The following ZBTB39 variants were observed in gnomAD, a reference collection of about 807,000 sequenced individuals.
The protein encoded by ZBTB39 is zinc finger and BTB domain-containing protein 39.
In ZBTB39, 25 loss-of-function variants were observed where a neutral mutation model predicts 39.4. The observed-to-expected ratio is 0.63, with a 90% CI of 0.46 to 0.89. The LOEUF (loss-of-function observed/expected upper bound fraction) is 0.89. Among genes scored for constraint, ZBTB39 ranks in the 40% least tolerant of loss-of-function variants. The pLI, the probability that ZBTB39 is intolerant of heterozygous loss-of-function variation, is 0.00. For missense variants in ZBTB39, 891 were observed against 909.7 expected, an observed-to-expected ratio of 0.98 and a Z score of 0.26; for synonymous variants, 373 against 359.6, an observed-to-expected ratio of 1.04 and a Z score of -0.42.
rs1200150424 is a variant in ZBTB39 at position 56,999,984 on chromosome 12, C to G, written c.*2795G>C. ...AAACTAGGTTCCAGGAGAGAGGGAGCAACAAAATCAAATGAACAGAAAGTC... is the reference window on the plus strand; with the variant it reads ...AAACTAGGTTCCAGGAGAGAGGGAGGAACAAAATCAAATGAACAGAAAGTC... On this transcript the variant is annotated 3_prime_UTR_variant, in exon 2 of 2. Transcript: ENST00000300101. The G allele has an allele frequency of 2.0e-5, 3 of 152,086 alleles. No individual in the cohort carries two copies. The highest frequency in any genetic ancestry group is 4.4e-5 in the Non-Finnish European group (3 of 68,040). 9.4% of individuals were successfully genotyped at this position (152,086 alleles called of 1,614,324 possible). A position where few individuals can be genotyped will look rare whatever the true frequency, so the allele number is the denominator to read the frequency against.
chr12:57,003,264 C>G lies in ZBTB39; in HGVS notation c.1654G>C (p.Ala552Pro). 6.2e-7 allele frequency: 1 copy of G among 1,614,184 alleles called. No individual in the cohort carries two copies. The highest frequency in any genetic ancestry group is 8.5e-7 in the Non-Finnish European group (1 of 1,180,012). ...TGCTGGCTGACGTGGTAGCGATAGG[C>G]AGCCTCTGACTTGAAGCTCTGGCTG... The part of the protein sequence containing the change: ...LCSQSFKSEA[A>P]YRYHVSQHKC... Residue 552 changes from alanine (A) to proline (P), a missense_variant, in exon 2 of 2, where the codon GCC (alanine) becomes CCC (proline). Transcript: ENST00000300101. This position sits in a 1 kb window ranked among gnomAD's most constrained non-coding sequence, Gnocchi z 4.8.
At chr12:57,004,997 C>T (rs1376844786) in intron 1 of ZBTB39, 36 bp from the exon 2 acceptor site, 3 of 1,422,260 alleles carry the variant, frequency 2.1e-6, no homozygotes, top group South Asian at 1.4e-5. Flanking sequence ...GATGGCCAAA[C>T]ACATCCGTGC....
In ZBTB39 at chr12:57,004,665, T is replaced by G; in HGVS notation, c.253A>C (p.Ser85Arg). 6.2e-7 allele frequency: 1 copy of G among 1,614,146 alleles called. No homozygotes were observed. The highest frequency in any genetic ancestry group is 8.5e-7 in the Non-Finnish European group (1 of 1,180,028). Reference sequence around the variant, plus strand: ...AAGAGTTCTGAAGTGTAGACAAAGCTCAGAACCTTCTCAAAGTTGGCAGGG... The same window carrying G: ...AAGAGTTCTGAAGTGTAGACAAAGCGCAGAACCTTCTCAAAGTTGGCAGGG... The part of the protein sequence containing the change: ...ITPANFEKVL[S>R]FVYTSELFTD... Residue 85 changes from serine (S) to arginine (R), a missense_variant, in exon 2 of 2, where the codon AGC (serine) becomes CGC (arginine). Ser to Arg is a moderately radical substitution (Grantham distance 110). Coordinates refer to ENST00000300101, the MANE Select transcript of ZBTB39 (RefSeq NM_014830.3).
In ZBTB39 at chr12:57,003,989, G is replaced by C. The variant is rs150853484; in HGVS notation, c.929C>G (p.Ala310Gly). The C allele has an allele frequency of 6.2e-7, 1 of 1,614,210 alleles. No individual in the cohort carries two copies. The highest frequency in any genetic ancestry group is 8.5e-7 in the Non-Finnish European group (1 of 1,180,046). The change falls in exon 2 of 2, where the codon GCT becomes GGT. Residue 310 changes from alanine (A) to glycine (G), a missense_variant. Ala to Gly is a moderately conservative substitution (Grantham distance 60). Coordinates refer to ENST00000300101, the MANE Select transcript of ZBTB39 (RefSeq NM_014830.3). The surrounding 1 kb of genome is among the most constrained non-coding windows in gnomAD (Gnocchi z 4.8). ...CTCCTCAGTTGTGCCTATATCCTCAGCAGGGTCTTCAAACTGCAAGTCATC... is the reference window on the plus strand; with the variant it reads ...CTCCTCAGTTGTGCCTATATCCTCACCAGGGTCTTCAAACTGCAAGTCATC... ...GDDDLQFEDP[A>G]EDIGTTEEVI...
At position 57,002,826 on chromosome 12, in the gene ZBTB39, T is replaced by C. The variant is rs1211874807; in HGVS notation, c.2092A>G (p.Met698Val). The change falls in exon 2 of 2, where the codon ATG becomes GTG. Residue 698 changes from methionine to valine, a missense_variant. Transcript: ENST00000300101. ...PPDFTIEQTF[M>V]YIIHSKEADK... The stretch of plus-strand genomic sequence containing the variant: ...GCCTCTTTGGAATGGATGATGTACA[T>C]GAAGGTCTGCTCGATGGTGAAGTCA... The C allele has an allele frequency of 6.2e-7, 1 of 1,614,098 alleles. No homozygotes were observed. The highest frequency in any genetic ancestry group is 1.3e-5 in the African/African-American group (1 of 74,918).
rs371772844 is a variant in ZBTB39, at chr12:57,004,428, C to A, written c.490G>T (p.Asp164Tyr). ...HPLGELRGGG[D>Y]YLGADRNYVL... ...TAGTTTCTATCAGCACCAAGGTAGT[C>A]CCCACCACCTCGGAGTTCTCCAAGG... The change falls in exon 2 of 2, where the codon GAC becomes TAC. Residue 164 changes from aspartate to tyrosine, a missense_variant. Coordinates refer to ENST00000300101, the MANE Select transcript of ZBTB39 (RefSeq NM_014830.3). 2.7e-5 allele frequency: 43 copies of A among 1,614,070 alleles called. No homozygotes were observed. The highest frequency in any genetic ancestry group is 3.6e-5 in the Non-Finnish European group (43 of 1,180,050).
Position 57,002,699 on chromosome 12 carries a change from C to G in ZBTB39, c.*80G>C, listed in dbSNP as rs1956216387. ...TACCAAGGCAAAATTATAACTTCAG[C>G]TGGGGAGGGACCAACACCTCTTAGA... On this transcript the variant is annotated 3_prime_UTR_variant, in exon 2 of 2. Transcript: ENST00000300101. The G allele has an allele frequency of 7.3e-7, 1 of 1,377,630 alleles. No individual in the cohort carries two copies. 85.3% of individuals were successfully genotyped at this position (1,377,630 alleles called of 1,614,324 possible). A position where few individuals can be genotyped will look rare whatever the true frequency, so the allele number is the denominator to read the frequency against.
intron 1 of ZBTB39, 103 bp from the exon 2 acceptor site, chr12:57,005,064 G>A (rs371078146): frequency 1.6e-5 from 13 of 816,200 alleles, no homozygotes; most frequent in Non-Finnish European, 2.4e-5. Flanking sequence ...CAAGCCCCAG[G>A]TAGGGATCAG....
In ZBTB39 at chr12:57,001,978, C is replaced by G. The variant is rs1333492621; in HGVS notation, c.*801G>C. The G allele has an allele frequency of 6.6e-6, 1 of 152,628 alleles. No individual in the cohort carries two copies. Among genetic ancestry groups the G allele is most frequent in the East Asian group, 1.9e-4 (1 of 5,200 alleles). 9.5% of individuals were successfully genotyped at this position (152,628 alleles called of 1,614,324 possible). A position where few individuals can be genotyped will look rare whatever the true frequency, so the allele number is the denominator to read the frequency against. The stretch of plus-strand genomic sequence containing the variant: ...CTATATCAAAGTGGTTCCCTATCCT[C>G]TCTGCCCCACAGAAGGCCGGACGTC... On this transcript the variant is annotated 3_prime_UTR_variant, in exon 2 of 2. Coordinates refer to ENST00000300101, the MANE Select transcript of ZBTB39 (RefSeq NM_014830.3).
rs1442172928 is a variant in ZBTB39, at chr12:57,004,273, AG to A, written c.644del (p.Pro215LeufsTer10). ...PPPKTEDHDT[P>X]APFTSIPSMM... ...TGCTAGGAATGGACGTGAAGGGAGCAGGGGTGTCATGGTCTTCTGTCTTTGG... is the reference window on the plus strand; with the variant it reads ...TGCTAGGAATGGACGTGAAGGGAGCAGGGTGTCATGGTCTTCTGTCTTTGG... On this transcript the variant is annotated frameshift_variant, in exon 2 of 2. Transcript: ENST00000300101. LOFTEE classifies it high-confidence loss of function. The A allele has an allele frequency of 6.2e-7, 1 of 1,614,066 alleles. No homozygotes were observed. Among genetic ancestry groups the A allele is most frequent in the African/African-American group, 1.3e-5 (1 of 74,930 alleles).
chr12:57,004,701 C>T lies in ZBTB39; in HGVS notation c.217G>A (p.Asp73Asn). Residue 73 changes from aspartate (D) to asparagine (N), a missense_variant, in exon 2 of 2, where the codon GAC (aspartate) becomes AAC (asparagine). By Grantham distance (23) the Asp-to-Asn change is conservative. Coordinates refer to ENST00000300101, the MANE Select transcript of ZBTB39 (RefSeq NM_014830.3). ...TCAAAGTTGGCAGGGGTGATGAAGTCCACCACATAGGTCCTGGCAGCATCA... is the reference window on the plus strand; with the variant it reads ...TCAAAGTTGGCAGGGGTGATGAAGTTCACCACATAGGTCCTGGCAGCATCA... ...GLDAARTYVV[D>N]FITPANFEKV... is the part of the protein sequence containing the mutation. 1 of 1,614,180 alleles carries T rather than the reference C, an allele frequency of 6.2e-7. No homozygotes were observed. The highest frequency in any genetic ancestry group is 8.5e-7 in the Non-Finnish European group (1 of 1,180,024).
Position 57,001,431 on chromosome 12 carries a change from C to A in ZBTB39, c.*1348G>T, listed in dbSNP as rs1453304438. ...CCTGAGCAGGGTGAGGTAGTATGAG[C>A]TACTGAGGTGGCACCTCACAAGTAT... is the stretch of plus-strand genomic sequence containing the variant. On this transcript the variant is annotated 3_prime_UTR_variant, in exon 2 of 2. Transcript: ENST00000300101. 5.2e-5 allele frequency: 8 copies of A among 152,786 alleles called. No homozygotes were observed. The highest frequency in any genetic ancestry group is 5.2e-4 in the Admixed American group (8 of 15,306). The allele number at this position is 152,786 out of a possible 1,614,324, so 9.5% of individuals were successfully genotyped here.
intron 1 of ZBTB39, among the ~76,000 whole-genome samples, chr12:57,006,142 C>T (rs573466897): frequency 3.3e-5 from 5 of 152,030 alleles, no homozygotes; most frequent in Non-Finnish European, 5.9e-5. Flanking sequence ...GCTGCATCGG[C>T]TGGGGCGCTC....
At position 57,003,212 on chromosome 12, in the gene ZBTB39, C is replaced by T. The variant is rs148560558; in HGVS notation, c.1706G>A (p.Arg569Gln). The T allele has an allele frequency of 1.2e-4, 187 of 1,614,128 alleles. 5 individuals are homozygous for T. The Admixed American group carries it at 1.3e-3, about 12-fold the overall frequency. ...QHKCNSGLDA[R>Q]PGFGLQHPAL... ...TGGGTGCTGCAGCCCAAAACCAGGC[C>T]GTGCATCAAGGCCACTGTTGCATTT... Residue 569 changes from arginine (R) to glutamine (Q), a missense_variant, in exon 2 of 2, where the codon CGG becomes CAG. By Grantham distance (43) the Arg-to-Gln change is conservative (BLOSUM62 1). Coordinates refer to ENST00000300101, the MANE Select transcript of ZBTB39 (RefSeq NM_014830.3). The surrounding 1 kb of genome is among the most constrained non-coding windows in gnomAD (Gnocchi z 4.8).
chr12:57,004,413 C>T lies in ZBTB39; in HGVS notation c.505G>A (p.Asp169Asn). 1 of 1,614,190 alleles carries T rather than the reference C, an allele frequency of 6.2e-7. No individual in the cohort carries two copies. Among genetic ancestry groups the T allele is most frequent in the Non-Finnish European group, 8.5e-7 (1 of 1,180,040 alleles). Reference protein sequence around the residue: ...LRGGGDYLGADRNYVLPSDAG... With the variant: ...LRGGGDYLGANRNYVLPSDAG... Reference sequence around the variant, plus strand: ...TCACTGGGCAACACATAGTTTCTATCAGCACCAAGGTAGTCCCCACCACCT... The same window carrying T: ...TCACTGGGCAACACATAGTTTCTATTAGCACCAAGGTAGTCCCCACCACCT... The change falls in exon 2 of 2, where the codon GAT (aspartate) becomes AAT (asparagine). Residue 169 changes from aspartate to asparagine, a missense_variant. By Grantham distance (23) the Asp-to-Asn change is conservative. Transcript: ENST00000300101.
intron 1 of ZBTB39, among the ~76,000 whole-genome samples, chr12:57,005,368 G>C (rs1364599550): frequency 6.6e-6 from 1 of 152,120 alleles, no homozygotes; most frequent in Non-Finnish European, 1.5e-5. Flanking sequence ...GCACATGCTT[G>C]AACACAACTA....
Position 57,000,226 on chromosome 12 carries a change from T to G in ZBTB39, c.*2553A>C, listed in dbSNP as rs1438336799. On this transcript the variant is annotated 3_prime_UTR_variant, in exon 2 of 2. Coordinates refer to ENST00000300101, the MANE Select transcript of ZBTB39 (RefSeq NM_014830.3). ...GAGAGGGTTTGGTCAACAAATCTCA[T>G]GAGCTACTGATCCTATGACGTATCT... 6.6e-6 allele frequency: 1 copy of G among 152,546 alleles called. No homozygotes were observed. Among genetic ancestry groups the G allele is most frequent in the African/African-American group, 2.4e-5 (1 of 41,408 alleles). 9.4% of individuals were successfully genotyped at this position (152,546 alleles called of 1,614,324 possible).
Position 57,004,768 on chromosome 12 carries a change from A to C in ZBTB39, c.150T>G (p.Cys50Trp). ...AGAGGTTCTGGAAGTAGCCAGCTGCACAGGCCAGCACAGCCTTGTGGGCCG... is the reference window on the plus strand; with the variant it reads ...AGAGGTTCTGGAAGTAGCCAGCTGCCCAGGCCAGCACAGCCTTGTGGGCCG... ...SFPAHKAVLA[C>W]AAGYFQNLFL... The change falls in exon 2 of 2, where the codon TGT becomes TGG. Residue 50 changes from cysteine to tryptophan, a missense_variant. Physicochemically the swap from Cys to Trp is radical, Grantham distance 215 (BLOSUM62 -2). Transcript: ENST00000300101. The C allele has an allele frequency of 1.2e-6, 2 of 1,614,180 alleles. No homozygotes were observed. The highest frequency in any genetic ancestry group is 1.7e-6 in the Non-Finnish European group (2 of 1,180,014).
Position 57,004,565 on chromosome 12 carries a change from C to G in ZBTB39, c.353G>C (p.Cys118Ser). Residue 118 changes from cysteine to serine, a missense_variant, in exon 2 of 2, where the codon TGT becomes TCT. Transcript: ENST00000300101. ...CTCCAGATCAGGAAAGGTAGAGTGA[C>G]AGGCCTGGAGGAGGTCCTCCATACC... Reference protein sequence around the residue: ...RLGMEDLLQACHSTFPDLEST... With the variant: ...RLGMEDLLQASHSTFPDLEST... The G allele has an allele frequency of 6.2e-7, 1 of 1,614,208 alleles. No homozygotes were observed. The highest frequency in any genetic ancestry group is 1.1e-5 in the South Asian group (1 of 91,080).
Sources: gnomAD v4.1 joint callset for allele counts (sites outside exome capture counted in the v4.1 genomes callset) on GRCh38, gnomAD v4.1.1 for gene constraint, Gnocchi (gnomAD v3.1) non-coding constraint, MANE v1.5 for transcripts, NCBI Gene and HGNC (gene_info 2026-07-23, HGNC 2026-07-21) for gene names.